PHTF2: variants seen among roughly 807,000 people sequenced by gnomAD.
PHTF2 encodes the protein putative homeodomain transcription factor 2.
A neutral mutation model predicts 101.2 loss-of-function variants in PHTF2; 60 were observed. That is an observed-to-expected ratio of 0.59 (90% CI 0.48 to 0.73). The LOEUF is 0.73. Ranked by LOEUF, PHTF2 falls within the 30% of genes least tolerant of loss-of-function variation. PHTF2 has a pLI of 0.00. For missense variants in PHTF2, 747 were observed against 908.7 expected (o/e 0.82, Z 2.29); for synonymous variants, 311 against 307.3 (o/e 1.01, Z -0.13).
At chr7:77,925,350 G>C (rs1803863957) in intron 11 of PHTF2, among the ~76,000 whole-genome samples, 1 of 151,802 alleles carries the variant, frequency 6.6e-6, no homozygotes, top group African/African-American at 2.4e-5. Context: ...AAACAAATGT[G>C]TTTTAACTTG....
At chr7:77,944,710 A>G (rs1805902725) in intron 16 of PHTF2, among the ~76,000 whole-genome samples, 1 of 152,224 alleles carries the variant, frequency 6.6e-6, no homozygotes, top group South Asian at 2.1e-4. Context: ...ATCTCCAGCT[A>G]TTTCAGTTTG....
At chr7:77,895,065 C>T in intron 5 of PHTF2, 2 of 418,292 alleles carry the variant, frequency 4.8e-6, no homozygotes, top group Non-Finnish European at 4.7e-6. Flanking sequence ...CAAATGTACA[C>T]AGGCAGCACT....
At chr7:77,854,512 T>C (rs749937195) in intron 2 of PHTF2, among the ~76,000 whole-genome samples, 1 of 152,078 alleles carries the variant, frequency 6.6e-6, no homozygotes, top group Non-Finnish European at 1.5e-5. Flanking sequence ...TAAATCCAGC[T>C]AGGCTTGCGT....
At chr7:77,932,485 A>T (rs905483931) in intron 12 of PHTF2, among the ~76,000 whole-genome samples, 1 of 152,056 alleles carries the variant, frequency 6.6e-6, no homozygotes, top group Admixed American at 6.6e-5. Context: ...GCAATAAGCG[A>T]GATGATACAA....
chr7:77,841,039 C>T (rs1391894216), intron 2 of PHTF2, among the ~76,000 whole-genome samples: 2 of 131,026 alleles, frequency 1.5e-5, no homozygotes, highest in Admixed American at 7.7e-5. Context: ...TATAATGATA[C>T]ATTTAAAGCT....
intron 1 of PHTF2, among the ~76,000 whole-genome samples, chr7:77,819,742 G>T (rs1390021438): frequency 6.6e-6 from 1 of 152,088 alleles, no homozygotes; most frequent in Admixed American, 6.6e-5. Context: ...GGTTATCCAG[G>T]CCTCATAGAA....
Position 77,834,612 on chromosome 7 carries a change from T to C in PHTF2, c.-35-5609T>C, listed in dbSNP as rs2150561843. 1.3e-5 allele frequency among the ~76,000 whole-genome samples: 2 copies of C among 152,326 alleles called. 1 individual carries two copies. The highest frequency in any genetic ancestry group is 4.1e-4 in the South Asian group (2 of 4,826). On this transcript the variant is annotated intron_variant, in intron 1 of 19. Transcript: ENST00000416283. ...CGGAGCTCTTTTTCTTTTCACACAA[T>C]TGTTATTTAACCTTTATTGAGTTGT...
intron 3 of PHTF2, among the ~76,000 whole-genome samples, chr7:77,881,983 C>T (rs975501956): frequency 6.6e-6 from 1 of 152,084 alleles, no homozygotes; most frequent in Non-Finnish European, 1.5e-5. Flanking sequence ...ATAAAAAATA[C>T]CTTCAAGACT....
At chr7:77,825,729 TG>T (rs1323068076) in intron 1 of PHTF2, among the ~76,000 whole-genome samples, 1 of 152,066 alleles carries the variant, frequency 6.6e-6, no homozygotes, top group Non-Finnish European at 1.5e-5. Context: ...CCAACTAAGA[TG>T]AGAAAGGTGT....
intron 1 of PHTF2, among the ~76,000 whole-genome samples, chr7:77,823,148 C>T (rs1429805789): frequency 1.3e-5 from 2 of 152,074 alleles, no homozygotes; most frequent in African/African-American, 2.4e-5. Context: ...TCGTGATCCA[C>T]CCGCCTCGGC....
intron 3 of PHTF2, among the ~76,000 whole-genome samples, chr7:77,875,741 T>C (rs1375675452): frequency 2.0e-5 from 3 of 151,950 alleles, no homozygotes; most frequent in Admixed American, 6.6e-5. Context: ...GTATTTTTAG[T>C]AGAGACGGGG....
At chr7:77,849,056 G>T (rs569884805) in intron 2 of PHTF2, among the ~76,000 whole-genome samples, 9 of 152,006 alleles carry the variant, frequency 5.9e-5, no homozygotes, top group African/African-American at 1.7e-4. Context: ...TTTGTTTCTG[G>T]GCTTCTATTG....
chr7:77,923,779 C>T, intron 11 of PHTF2: 2 of 984,818 alleles, frequency 2.0e-6, no homozygotes, highest in South Asian at 9.4e-5. Flanking sequence ...TGTTTGACCC[C>T]TCTCCCAGAA....
chr7:77,854,695 A>G, intron 2 of PHTF2: 1 of 701,870 alleles, frequency 1.4e-6, no homozygotes, highest in Non-Finnish European at 2.6e-6. Flanking sequence ...CCACAAGACA[A>G]AGTTTTTTGC....
At chr7:77,938,655 T>C (rs1805370281) in intron 13 of PHTF2, among the ~76,000 whole-genome samples, 1 of 152,148 alleles carries the variant, frequency 6.6e-6, no homozygotes, top group African/African-American at 2.4e-5. Context: ...CGGGCGCCTG[T>C]AGTCCCAGCT....
At chr7:77,937,644 T>C (rs1805260221) in intron 12 of PHTF2, 66 bp from the exon 12 acceptor site, 1 of 574,998 alleles carries the variant, frequency 1.7e-6, no homozygotes, top group African/African-American at 2.0e-5. Flanking sequence ...ATATACAACT[T>C]TATATACACA....
intron 2 of PHTF2, among the ~76,000 whole-genome samples, chr7:77,849,292 T>TTATATA (rs748338272): frequency 2.0e-4 from 30 of 150,378 alleles, no homozygotes; most frequent in African/African-American, 7.0e-4. Context: ...CCTGGCTAAT[T>TTATATA]TATATATATA....
chr7:77,919,128 T>C (rs1562949291), intron 9 of PHTF2, among the ~76,000 whole-genome samples: 1 of 152,226 alleles, frequency 6.6e-6, no homozygotes, highest in East Asian at 1.9e-4. Context: ...GCTTTGCTTC[T>C]AACTGACTGC....
chr7:77,883,042 G>T (rs906429172), intron 3 of PHTF2, among the ~76,000 whole-genome samples: 1 of 151,938 alleles, frequency 6.6e-6, no homozygotes, highest in Non-Finnish European at 1.5e-5. Flanking sequence ...GAATGGGGTA[G>T]CACATAAATT....
Sources: allele counts gnomAD v4.1 joint callset (sites outside exome capture counted in the v4.1 genomes callset), GRCh38; gene constraint gnomAD v4.1.1; transcripts MANE v1.5; gene names NCBI Gene and HGNC (gene_info 2026-07-23, HGNC 2026-07-21).